The following ANO3 variants were observed in gnomAD, a reference collection of about 807,000 sequenced individuals.
The protein encoded by ANO3 is anoctamin 3, also known as anoctamin-3.
In ANO3, 99 loss-of-function variants were observed where a neutral mutation model predicts 144.8. The observed-to-expected ratio is 0.68, with a 90% confidence interval of 0.58 to 0.81. ANO3 has a LOEUF of 0.81. Ranked by LOEUF, ANO3 falls within the 30% of genes least tolerant of loss-of-function variation. ANO3 has a pLI of 0.00. For missense variants in ANO3, 905 were observed against 1,202.2 expected (o/e 0.75, Z 3.66); for synonymous variants, 414 against 392.6 (o/e 1.05, Z -0.64).
chr11:26,295,229 T>C (rs901390389), intron 1 of ANO3, among the ~76,000 whole-genome samples: 4 of 152,090 alleles, frequency 2.6e-5, no homozygotes, highest in African/African-American at 9.7e-5. Flanking sequence ...AGTCATTTTC[T>C]AACACATTAT....
At chr11:26,588,205 C>A (rs1280869830) in intron 14 of ANO3, among the ~76,000 whole-genome samples, 30 of 152,254 alleles carry the variant, frequency 2.0e-4, no homozygotes, top group Admixed American at 1.7e-3. Flanking sequence ...TCTTGCCTGT[C>A]AACCACTGTT....
At chr11:26,481,684 T>A (rs1860223164) in intron 4 of ANO3, among the ~76,000 whole-genome samples, 1 of 152,040 alleles carries the variant, frequency 6.6e-6, no homozygotes, top group South Asian at 2.1e-4. Context: ...AGGTGAAGAA[T>A]GAAATAAAGC....
intron 5 of ANO3, among the ~76,000 whole-genome samples, chr11:26,513,790 C>T (rs962243599): frequency 6.6e-6 from 1 of 152,110 alleles, no homozygotes; most frequent in Admixed American, 6.6e-5. Context: ...CATGGCTACT[C>T]AGTTTTACAT....
chr11:26,592,948 C>A (rs558434125), intron 14 of ANO3, among the ~76,000 whole-genome samples: 21 of 152,194 alleles, frequency 1.4e-4, no homozygotes, highest in African/African-American at 4.8e-4. Flanking sequence ...GGGATTACTC[C>A]ATATGAGGGG....
chr11:26,223,958 T>A (rs1324296417), intron 1 of ANO3, among the ~76,000 whole-genome samples: 1 of 152,136 alleles, frequency 6.6e-6, no homozygotes, highest in African/African-American at 2.4e-5. Flanking sequence ...ACCTCCAACA[T>A]TGGAGGTCAC....
intron 17 of ANO3, among the ~76,000 whole-genome samples, chr11:26,608,064 G>A (rs10835012): frequency 0.031 from 4,679 of 152,190 alleles, 104 homozygotes; most frequent in Non-Finnish European, 0.049. Context: ...TCTCATCTTC[G>A]TTAGTTTGTC....
intron 11 of ANO3, among the ~76,000 whole-genome samples, chr11:26,544,275 C>CATATATAT (rs1424177707): frequency 2.2e-5 from 1 of 45,240 alleles, no homozygotes; most frequent in South Asian, 1.3e-3. Context: ...TATATATATA[C>CATATATAT]ACACATACAC....
At chr11:26,409,937 A>G (rs983210120) in intron 1 of ANO3, among the ~76,000 whole-genome samples, 1 of 151,992 alleles carries the variant, frequency 6.6e-6, no homozygotes, top group Non-Finnish European at 1.5e-5. Flanking sequence ...TGATCAATGC[A>G]GTAGTAATTT....
At chr11:26,593,953 G>A (rs1851531151) in intron 14 of ANO3, among the ~76,000 whole-genome samples, 1 of 152,098 alleles carries the variant, frequency 6.6e-6, no homozygotes, top group Non-Finnish European at 1.5e-5. Flanking sequence ...TTTGCTCGGG[G>A]CCTAAGGCGG....
chr11:26,484,475 G>T (rs1860364005), intron 4 of ANO3, among the ~76,000 whole-genome samples: 1 of 152,228 alleles, frequency 6.6e-6, no homozygotes. Context: ...TTCACAGAGG[G>T]CAAGAGTTGA....
At position 26,639,241 on chromosome 11, in the gene ANO3, C is replaced by T; in HGVS notation, c.2141C>T (p.Pro714Leu). 6.2e-7 allele frequency: 1 copy of T among 1,610,082 alleles called. No individual in the cohort carries two copies. ...AACAACTTCATGGAACTAGGATACC[C>T]GTGAGCACATTATTTTCAAACTTGC... The part of the protein sequence containing the change: ...IWNNFMELGY[P>L]LIQNWWSRHK... Residue 714 changes from proline to leucine, a missense_variant and splice_region_variant, in exon 21 of 27, where the codon CCG (proline) becomes CTG (leucine). Around this residue, in one of 4 missense-constraint regions of ANO3, gnomAD observed 597 missense variants for 865.1 expected, o/e 0.69. Transcript: ENST00000256737.
intron 3 of ANO3, among the ~76,000 whole-genome samples, chr11:26,461,797 A>G (rs1859405708): frequency 6.6e-6 from 1 of 152,040 alleles, no homozygotes; most frequent in African/African-American, 2.4e-5. Context: ...GCTTATTATT[A>G]AATGTAGGAA....
intron 1 of ANO3, among the ~76,000 whole-genome samples, chr11:26,323,139 A>G (rs1854800498): frequency 6.6e-6 from 1 of 151,818 alleles, no homozygotes; most frequent in Non-Finnish European, 1.5e-5. Flanking sequence ...CTGGGACTTC[A>G]AGATGCTCAA....
chr11:26,430,383 A>C (rs1236826853), intron 1 of ANO3, among the ~76,000 whole-genome samples: 1 of 152,186 alleles, frequency 6.6e-6, no homozygotes, highest in East Asian at 1.9e-4. Flanking sequence ...CCTTGAAATA[A>C]AAAACCTAAA....
chr11:26,514,323 T>G (rs1417473729), intron 5 of ANO3, among the ~76,000 whole-genome samples: 2 of 152,114 alleles, frequency 1.3e-5, no homozygotes, highest in African/African-American at 2.4e-5. Context: ...ATCATCATTT[T>G]GGGTAGTTTC....
Position 26,508,170 on chromosome 11 carries a change from A to T in ANO3, c.499A>T (p.Ile167Phe). Residue 167 changes from isoleucine (I) to phenylalanine (F), a missense_variant, in exon 5 of 27, where the codon ATC becomes TTC. Around this residue, in one of 4 missense-constraint regions of ANO3, gnomAD observed 63 missense variants for 107.3 expected, o/e 0.59. Transcript: ENST00000256737. ...FKDGKKRIDY[I>F]LVYRKTNIQY... is the part of the protein sequence containing the mutation. ...AGATGGCAAAAAGAGAATTGATTAC[A>T]TCTTGGTTTATAGAAAGACAAATAT... 6.2e-7 allele frequency: 1 copy of T among 1,604,860 alleles called. No individual in the cohort carries two copies. The highest frequency in any genetic ancestry group is 1.1e-5 in the South Asian group (1 of 88,512).
chr11:26,630,657 C>T (rs1852747523), intron 18 of ANO3, among the ~76,000 whole-genome samples: 1 of 152,158 alleles, frequency 6.6e-6, no homozygotes, highest in African/African-American at 2.4e-5. Context: ...AGTTTTTGGA[C>T]TTTGAAGGCA....
intron 17 of ANO3, among the ~76,000 whole-genome samples, chr11:26,620,716 T>C (rs555218432): frequency 2.0e-5 from 3 of 152,312 alleles, no homozygotes; most frequent in African/African-American, 7.2e-5. Context: ...GTCCAGAGCA[T>C]ACATCCCTAT....
intron 23 of ANO3, among the ~76,000 whole-genome samples, chr11:26,644,696 A>T (rs1180529105): frequency 1.3e-5 from 2 of 152,076 alleles, no homozygotes; most frequent in African/African-American, 4.8e-5. Flanking sequence ...CATTTTTCTA[A>T]CCGTGAGATT....
Sources: gnomAD v4.1 joint callset for allele counts (sites outside exome capture counted in the v4.1 genomes callset) on GRCh38, gnomAD v4.1.1 for gene constraint, gnomAD v4.1.1 regional missense constraint, MANE v1.5 for transcripts, NCBI Gene and HGNC (gene_info 2026-07-23, HGNC 2026-07-21) for gene names.